The following UST variants were observed in gnomAD, a reference collection of about 807,000 sequenced individuals.
UST encodes chondroitin sulfate 2-O-sulfotransferase.
In UST, 21 loss-of-function variants were observed where a neutral mutation model predicts 45.6. That is an observed-to-expected ratio of 0.46 (90% CI 0.33 to 0.66). The LOEUF (loss-of-function observed/expected upper bound fraction) is 0.66. Among genes scored for constraint, UST ranks in the 30% least tolerant of loss-of-function variants. UST has a pLI of 0.02. For synonymous variants in UST, 215 were observed against 200.6 expected (o/e 1.07, Z -0.61); for missense variants, 463 against 512.4 (o/e 0.90, Z 0.93).
chr6:148,785,004 G>A (rs1209147591), intron 1 of UST, among the ~76,000 whole-genome samples: 1 of 152,186 alleles, frequency 6.6e-6, no homozygotes, highest in Non-Finnish European at 1.5e-5. Flanking sequence ...GAGCTCAGGA[G>A]TTGCAACCAG....
chr6:148,948,140 A>T (rs1325017481), intron 3 of UST, among the ~76,000 whole-genome samples: 1 of 152,084 alleles, frequency 6.6e-6, no homozygotes, highest in African/African-American at 2.4e-5. Flanking sequence ...TCCTGCTTAC[A>T]AGGGCTACCC....
At chr6:149,058,652 AT>A (rs1369883406) in intron 7 of UST, among the ~76,000 whole-genome samples, 2 of 152,200 alleles carry the variant, frequency 1.3e-5, no homozygotes, top group Admixed American at 6.5e-5. Flanking sequence ...ACGATTTCAA[AT>A]AAAGTAACAA....
At position 148,747,350 on chromosome 6, in the gene UST, G is replaced by C. The variant is rs942308057; in HGVS notation, c.-81G>C. On this transcript the variant is annotated 5_prime_UTR_variant, in exon 1 of 8. Transcript: ENST00000367463. ...GCGCGGCCCTCCCCATGTGCAGCCG[G>C]CCAGCCGGGCTCTCCTCCTCGCGGC... is the stretch of plus-strand genomic sequence containing the variant. 6.7e-6 allele frequency: 9 copies of C among 1,351,772 alleles called. No individual in the cohort carries two copies. Among genetic ancestry groups the C allele is most frequent in the Non-Finnish European group, 8.6e-6 (9 of 1,048,268 alleles). 83.7% of individuals were successfully genotyped at this position (1,351,772 alleles called of 1,614,324 possible). A position where few individuals can be genotyped will look rare whatever the true frequency, so the allele number is the denominator to read the frequency against.
At chr6:148,828,335 A>G (rs531113818) in intron 1 of UST, among the ~76,000 whole-genome samples, 3 of 152,238 alleles carry the variant, frequency 2.0e-5, no homozygotes, top group South Asian at 4.1e-4. Context: ...AATTATGTGT[A>G]GAAAGAGCAC....
chr6:149,004,831 G>A (rs143913435), intron 5 of UST, among the ~76,000 whole-genome samples: 94 of 152,198 alleles, frequency 6.2e-4, no homozygotes, highest in South Asian at 3.7e-3. Flanking sequence ...AGCTGATCAC[G>A]TGCCTTTTGT....
intron 7 of UST, among the ~76,000 whole-genome samples, chr6:149,035,110 T>C: frequency 6.6e-6 from 1 of 152,174 alleles, no homozygotes; most frequent in East Asian, 1.9e-4. Flanking sequence ...ATTCATCCTT[T>C]CTATGCGCTT....
chr6:148,895,800 C>T (rs116674539), intron 2 of UST, among the ~76,000 whole-genome samples: 63 of 152,316 alleles, frequency 4.1e-4, no homozygotes, highest in African/African-American at 1.4e-3. Context: ...ACTGTGACTC[C>T]GTCAAACCTC....
chr6:148,799,004 G>A (rs1461779269), intron 1 of UST, among the ~76,000 whole-genome samples: 1 of 152,062 alleles, frequency 6.6e-6, no homozygotes, highest in Non-Finnish European at 1.5e-5. Context: ...CAAGTAGCTG[G>A]GACTACAGGC....
intron 1 of UST, among the ~76,000 whole-genome samples, chr6:148,869,309 G>C (rs544514956): frequency 2.0e-5 from 3 of 152,258 alleles, no homozygotes; most frequent in East Asian, 3.9e-4. Context: ...AAAATTTCAC[G>C]TAAATCCTAT....
chr6:148,812,619 GACTT>G (rs1777278769), intron 1 of UST, among the ~76,000 whole-genome samples: 1 of 152,202 alleles, frequency 6.6e-6, no homozygotes, highest in African/African-American at 2.4e-5. Flanking sequence ...GCCAGCAGGA[GACTT>G]CAGTTTCTGG....
intron 7 of UST, among the ~76,000 whole-genome samples, chr6:149,031,419 A>G (rs1434738073): frequency 6.6e-6 from 1 of 152,216 alleles, no homozygotes; most frequent in Non-Finnish European, 1.5e-5. Flanking sequence ...AATTCACAAG[A>G]ATTCAGCCTC....
Position 148,946,205 on chromosome 6 carries a change from G to A in UST, c.447+4771G>A, listed in dbSNP as rs943058126. 5.9e-5 allele frequency among the ~76,000 whole-genome samples: 9 copies of A among 152,034 alleles called. No homozygotes were observed. The South Asian group carries it at 1.9e-3, about 32-fold the overall frequency. ...AGGGATCCCTAAGGCATGGTTAATC[G>A]GGCCTCTGTTTAATCAAGAAGGTGG... is the stretch of plus-strand genomic sequence containing the variant. On this transcript the variant is annotated intron_variant, in intron 3 of 7. Coordinates refer to ENST00000367463, the MANE Select transcript of UST (RefSeq NM_005715.3).
At chr6:148,961,432 A>C (rs769135029) in intron 4 of UST, among the ~76,000 whole-genome samples, 1 of 152,244 alleles carries the variant, frequency 6.6e-6, no homozygotes, top group Non-Finnish European at 1.5e-5. Context: ...ATAAAGATCA[A>C]ATTAGAGCTT....
chr6:149,054,575 A>G (rs1053198810), intron 7 of UST, among the ~76,000 whole-genome samples: 17 of 152,124 alleles, frequency 1.1e-4, no homozygotes, highest in Non-Finnish European at 7.4e-5. Flanking sequence ...AAACTCTGCT[A>G]TTGTCGGGGG....
At chr6:148,816,392 G>A (rs1363892119) in intron 1 of UST, among the ~76,000 whole-genome samples, 1 of 152,152 alleles carries the variant, frequency 6.6e-6, no homozygotes, top group Non-Finnish European at 1.5e-5. Flanking sequence ...TGAGAAGTGT[G>A]TCTCAGTTTG....
At chr6:149,045,487 C>T (rs1776383421) in intron 7 of UST, among the ~76,000 whole-genome samples, 1 of 152,162 alleles carries the variant, frequency 6.6e-6, no homozygotes, top group African/African-American at 2.4e-5. Flanking sequence ...GTGCCCAACC[C>T]TGCTAGTCAC....
chr6:148,902,167 C>A (rs1779272519), intron 2 of UST, among the ~76,000 whole-genome samples: 2 of 152,108 alleles, frequency 1.3e-5, no homozygotes, highest in Non-Finnish European at 2.9e-5. Flanking sequence ...ATGTACCATT[C>A]CAGATACTTG....
intron 2 of UST, among the ~76,000 whole-genome samples, chr6:148,921,055 A>G (rs965134823): frequency 1.1e-4 from 17 of 152,316 alleles, no homozygotes; most frequent in African/African-American, 4.1e-4. Flanking sequence ...GTTACTTGCA[A>G]AAGTCTCAGA....
chr6:149,005,423 G>A (rs530913837), intron 5 of UST: 3 of 985,336 alleles, frequency 3.0e-6, no homozygotes, highest in Non-Finnish European at 2.4e-6. Flanking sequence ...GGAGCCTTCT[G>A]AGAAGAAAAA....
Sources: gnomAD v4.1 joint callset for allele counts (sites outside exome capture counted in the v4.1 genomes callset) on GRCh38, gnomAD v4.1.1 for gene constraint, MANE v1.5 for transcripts, NCBI Gene and HGNC (gene_info 2026-07-23, HGNC 2026-07-21) for gene names.